LIMCH1: variants seen among roughly 807,000 people sequenced by gnomAD.
The protein encoded by LIMCH1 is LIM and calponin homology domains-containing protein 1.
A neutral mutation model predicts 176.5 loss-of-function variants in LIMCH1; 113 were observed. That is an observed-to-expected ratio of 0.64 (90% CI 0.55 to 0.75). The LOEUF (loss-of-function observed/expected upper bound fraction) is 0.75, where lower values mean the gene tolerates loss of function less well. Ranked by LOEUF, LIMCH1 falls within the 30% of genes least tolerant of loss-of-function variation. LIMCH1 has a pLI of 0.00. For missense variants in LIMCH1, 1,674 were observed against 1,814.9 expected, an observed-to-expected ratio of 0.92 and a Z score of 1.41; for synonymous variants, 619 against 645.9, an observed-to-expected ratio of 0.96 and a Z score of 0.63.
chr4:41,480,451 AC>A (rs1265734563), intron 1 of LIMCH1, among the ~76,000 whole-genome samples: 1 of 152,156 alleles, frequency 6.6e-6, no homozygotes, highest in Non-Finnish European at 1.5e-5. Context: ...CACTAAAAAT[AC>A]AAAAATTAGC....
rs563639183 is a variant in LIMCH1, at chr4:41,551,584, A to G, written c.-241+13234A>G. On this transcript the variant is annotated intron_variant, in intron 1 of 31. Transcript: ENST00000503057. Reference sequence around the variant, plus strand: ...CCGAGGTCAAGGAACTATACCCTGCAGGCCAAAACCAGCCTGCTTCCTTTT... The same window carrying G: ...CCGAGGTCAAGGAACTATACCCTGCGGGCCAAAACCAGCCTGCTTCCTTTT... Among the ~76,000 whole-genome samples the G allele has an allele frequency of 9.8e-5, 15 of 152,324 alleles. No individual in the cohort carries two copies. The South Asian group carries it at 3.1e-3, about 32-fold the overall frequency.
At chr4:41,411,435 T>C (rs749794894) in intron 1 of LIMCH1, among the ~76,000 whole-genome samples, 4 of 152,156 alleles carry the variant, frequency 2.6e-5, no homozygotes, top group Admixed American at 1.3e-4. Flanking sequence ...ACTTGATCTT[T>C]TGGGCTCAAG....
rs1393825768 is a variant in LIMCH1 at position 41,620,659 on chromosome 4, A to G, written c.694A>G (p.Lys232Glu). ...KRKRLEQAGI[K>E]VMPAAQRFAS... Reference sequence around the variant, plus strand: ...CAAAAGGCTAGAGCAAGCTGGAATCAAGGTCATGCCAGCAGCACAGCGCTT... The same window carrying G: ...CAAAAGGCTAGAGCAAGCTGGAATCGAGGTCATGCCAGCAGCACAGCGCTT... The change falls in exon 7 of 32, where the codon AAG becomes GAG. Residue 232 changes from lysine (K) to glutamate (E), a missense_variant. Physicochemically the swap from Lys to Glu is moderately conservative, Grantham distance 56. This residue lies in a region of LIMCH1 where 655 missense variants were observed against 692.2 expected (regional missense o/e 0.95). Transcript: ENST00000503057. 11 of 1,535,956 alleles carry G rather than the reference A, an allele frequency of 7.2e-6. No individual in the cohort carries two copies. Among genetic ancestry groups the G allele is most frequent in the Non-Finnish European group, 8.7e-6 (10 of 1,146,880 alleles).
rs147660035 is a variant in LIMCH1, at chr4:41,685,743, C to A, written c.4001C>A (p.Thr1334Lys). The change falls in exon 28 of 32, where the codon ACG becomes AAG. Residue 1334 changes from threonine to lysine, a missense_variant. By Grantham distance (78) the Thr-to-Lys change is moderately conservative. Transcript: ENST00000503057. Reference sequence around the variant, plus strand: ...CAGAATCAGCAGACATCAAATCCAACGCACAGTTCAGAAGATGTGAAGCCA... The same window carrying A: ...CAGAATCAGCAGACATCAAATCCAAAGCACAGTTCAGAAGATGTGAAGCCA... ...PSQNQQTSNP[T>K]HSSEDVKPKT... 6.2e-7 allele frequency: 1 copy of A among 1,613,534 alleles called. No homozygotes were observed. The highest frequency in any genetic ancestry group is 8.5e-7 in the Non-Finnish European group (1 of 1,179,694).
Position 41,514,005 on chromosome 4 carries a change from T to TAAAAAAAAAAAAAAAAAAAAAAAAAAAA in LIMCH1, c.168-10389_168-10362dup, listed in dbSNP as rs71198665. Among the ~76,000 whole-genome samples, 2 of 48,526 alleles carry TAAAAAAAAAAAAAAAAAAAAAAAAAAAA rather than the reference T, an allele frequency of 4.1e-5. 1 individual carries two copies. The highest frequency in any genetic ancestry group is 7.9e-5 in the Non-Finnish European group (2 of 25,324). The allele number at this position is 48,526 out of a possible 152,430, so 31.8% of individuals were successfully genotyped here. A position where few individuals can be genotyped will look rare whatever the true frequency, so the allele number is the denominator to read the frequency against. On this transcript the variant is annotated intron_variant, in intron 2 of 26. Coordinates refer to the LIMCH1 transcript ENST00000313860. ...TGGGTGATAGAGAGAGACTCCGTCT[T>TAAAAAAAAAAAAAAAAAAAAAAAAAAAA]AAAAAAAAAAAAAAAAAAAAAAAAA...
At chr4:41,422,567 C>A (rs2060702366) in intron 1 of LIMCH1, among the ~76,000 whole-genome samples, 1 of 152,038 alleles carries the variant, frequency 6.6e-6, no homozygotes, top group Non-Finnish European at 1.5e-5. Context: ...ACTTCAGCCT[C>A]AATTTAGTAA....
At chr4:41,683,577 A>G (rs1718060519) in intron 26 of LIMCH1, among the ~76,000 whole-genome samples, 1 of 152,198 alleles carries the variant, frequency 6.6e-6, no homozygotes, top group Non-Finnish European at 1.5e-5. Context: ...TGAGGCATGA[A>G]AGGCTAAGTG....
intron 1 of LIMCH1, among the ~76,000 whole-genome samples, chr4:41,433,215 C>T (rs775216601): frequency 1.3e-4 from 20 of 152,294 alleles, no homozygotes; most frequent in Admixed American, 3.9e-4. Context: ...TGCAAATGAG[C>T]GGGCATTCTT....
chr4:41,632,299 G>T (rs2093366009), intron 10 of LIMCH1, among the ~76,000 whole-genome samples: 1 of 152,168 alleles, frequency 6.6e-6, no homozygotes, highest in Non-Finnish European at 1.5e-5. Context: ...TTTATACCTT[G>T]CCCTTGAAAT....
intron 7 of LIMCH1, among the ~76,000 whole-genome samples, chr4:41,624,141 T>G (rs1298303445): frequency 6.6e-6 from 1 of 152,162 alleles, no homozygotes; most frequent in African/African-American, 2.4e-5. Context: ...TGTTTCCCAT[T>G]GGAGAAGTAA....
chr4:41,439,819 A>G (rs891299186), intron 1 of LIMCH1, among the ~76,000 whole-genome samples: 5 of 151,920 alleles, frequency 3.3e-5, no homozygotes, highest in Non-Finnish European at 7.4e-5. Flanking sequence ...CAGGAGAATC[A>G]CTTGAACCCG....
chr4:41,369,607 T>A (rs2053635716), intron 1 of LIMCH1, among the ~76,000 whole-genome samples: 2 of 152,182 alleles, frequency 1.3e-5, no homozygotes, highest in South Asian at 4.1e-4. Context: ...CCTTCCCTTC[T>A]TTGTACACAC....
At chr4:41,495,053 G>T (rs897675242) in intron 2 of LIMCH1, among the ~76,000 whole-genome samples, 2 of 152,166 alleles carry the variant, frequency 1.3e-5, no homozygotes, top group African/African-American at 4.8e-5. Flanking sequence ...TTTCACTGGT[G>T]TATTTCAAAT....
intron 1 of LIMCH1, among the ~76,000 whole-genome samples, chr4:41,540,294 AAG>A (rs1491330829): frequency 6.6e-6 from 1 of 152,180 alleles, no homozygotes; most frequent in African/African-American, 2.4e-5. Context: ...AAGAAGGAGA[AAG>A]AGGAGGAGGA....
At chr4:41,601,212 G>C (rs760849785) in intron 2 of LIMCH1, among the ~76,000 whole-genome samples, 1 of 152,270 alleles carries the variant, frequency 6.6e-6, no homozygotes, top group Non-Finnish European at 1.5e-5. Context: ...AAGGTCTTCT[G>C]CTCATGTGGA....
chr4:41,517,330 A>G (rs534808032), intron 2 of LIMCH1, among the ~76,000 whole-genome samples: 2 of 152,318 alleles, frequency 1.3e-5, no homozygotes, highest in East Asian at 3.9e-4. Flanking sequence ...AATAAAGTCC[A>G]GTGTGTGCCC....
At chr4:41,572,443 A>G (rs56080820) in intron 1 of LIMCH1, among the ~76,000 whole-genome samples, 1 of 152,308 alleles carries the variant, frequency 6.6e-6, no homozygotes, top group East Asian at 1.9e-4. Context: ...AAAATATGAG[A>G]CATCTTAATA....
At chr4:41,395,229 ATTT>A (rs757933680) in intron 1 of LIMCH1, among the ~76,000 whole-genome samples, 3 of 130,898 alleles carry the variant, frequency 2.3e-5, no homozygotes, top group African/African-American at 3.0e-5. Flanking sequence ...GTAGAAGTTA[ATTT>A]TTTTTTTTTT....
At position 41,646,606 on chromosome 4, in the gene LIMCH1, T is replaced by C; in HGVS notation, c.2533T>C (p.Leu845=). Residue 845 remains leucine (L), a synonymous_variant, in exon 17 of 32, where the codon TTG becomes CTG. Transcript: ENST00000503057. ...CATCAGTGAGGCTGTTCTCGAACGCTTGGAGATGCCAAAAATTCTGGAAAG... is the reference window on the plus strand; with the variant it reads ...CATCAGTGAGGCTGTTCTCGAACGCCTGGAGATGCCAAAAATTCTGGAAAG... ...FTISEAVLER[L]EMPKILERSH... is the part of the protein sequence containing the mutation. 2 of 1,614,214 alleles carry C rather than the reference T, an allele frequency of 1.2e-6. No individual in the cohort carries two copies. Among genetic ancestry groups the C allele is most frequent in the Non-Finnish European group, 1.7e-6 (2 of 1,180,036 alleles).
Sources: allele counts gnomAD v4.1 joint callset (sites outside exome capture counted in the v4.1 genomes callset), GRCh38; gene constraint gnomAD v4.1.1; regional missense constraint gnomAD v4.1.1; transcripts MANE v1.5; gene names NCBI Gene and HGNC (gene_info 2026-07-23, HGNC 2026-07-21).